Variants in WNK3 observed in about 807,000 individuals in gnomAD.
WNK3 encodes serine/threonine-protein kinase WNK3.
In WNK3, 18 loss-of-function variants were observed where a neutral mutation model predicts 116.7. That is an observed-to-expected ratio of 0.15 (90% CI 0.11 to 0.23). The LOEUF (loss-of-function observed/expected upper bound fraction) is 0.23. WNK3 is among the 10% of genes least tolerant of loss of function. The pLI is 1.00. For synonymous variants in WNK3, 404 were observed against 469.4 expected, an observed-to-expected ratio of 0.86 and a Z score of 1.80; for missense variants, 993 against 1,323.8, an observed-to-expected ratio of 0.75 and a Z score of 3.88.
At chrX:54,302,699 TTCTCTCTCTC>T (rs782673409) in intron 5 of WNK3, among the ~76,000 whole-genome samples, 8 of 23,335 alleles carry the variant, frequency 3.4e-4, no homozygotes, top group South Asian at 4.1e-3. Flanking sequence ...AACATTCCAA[TTCTCTCTCTC>T]TCTCTCTCTC....
intron 2 of WNK3, among the ~76,000 whole-genome samples, chrX:54,330,575 CT>C (rs1387144769): frequency 1.8e-5 from 2 of 110,843 alleles, no homozygotes; most frequent in African/African-American, 6.6e-5. Context: ...ATAAAAGGCC[CT>C]ACATATCCAA....
At chrX:54,332,881 AAAAAAG>A (rs2069187698) in intron 2 of WNK3, among the ~76,000 whole-genome samples, 1 of 109,757 alleles carries the variant, frequency 9.1e-6, no homozygotes, top group African/African-American at 3.3e-5. Context: ...AAAAAAAAAG[AAAAAAG>A]AAAAAGAAAA....
intron 2 of WNK3, among the ~76,000 whole-genome samples, chrX:54,328,153 G>A (rs191328866): frequency 1.1e-4 from 12 of 108,005 alleles, no homozygotes; most frequent in African/African-American, 2.3e-4. Context: ...ATACAATCTC[G>A]CACACACATA....
At chrX:54,228,667 T>C in intron 22 of WNK3, 47 bp downstream of exon 22, 1 of 460,857 alleles carries the variant, frequency 2.2e-6, no homozygotes, top group Non-Finnish European at 3.9e-6. Context: ...AATAAAACTG[T>C]AATTTTTTAA....
chrX:54,350,413 A>AG (rs1167019899), intron 1 of WNK3, among the ~76,000 whole-genome samples: 2 of 110,665 alleles, frequency 1.8e-5, no homozygotes, highest in African/African-American at 6.5e-5. Flanking sequence ...CTGTCTCAAA[A>AG]AAAAAAAAAA....
chrX:54,358,773 G>A (rs181612850), upstream of WNK3: 1 of 113,070 alleles, frequency 8.8e-6, no homozygotes, highest in Admixed American at 9.3e-5. Context: ...CTCGCAGACG[G>A]GTGCGATGTA....
intron 1 of WNK3, among the ~76,000 whole-genome samples, chrX:54,341,409 G>A (rs917742953): frequency 1.0e-4 from 11 of 108,306 alleles, no homozygotes; most frequent in Non-Finnish European, 1.9e-4. Context: ...AAAAAAAAAA[G>A]AATATTACTG....
At chrX:54,253,820 T>C (rs1392673993) in intron 13 of WNK3, 139 bp downstream of exon 13, 2 of 422,979 alleles carry the variant, frequency 4.7e-6, no homozygotes. Flanking sequence ...CACTTGATGA[T>C]AACCCAATTT....
chrX:54,304,954 T>C (rs1032900033), intron 5 of WNK3, among the ~76,000 whole-genome samples: 1 of 110,189 alleles, frequency 9.1e-6, no homozygotes, highest in African/African-American at 3.3e-5. Context: ...CTGGCCAGCA[T>C]AGCAAAACCA....
chrX:54,249,285 A>G (rs1557153496), exon 17 of WNK3: 1 of 1,212,265 alleles, frequency 8.2e-7, no homozygotes, highest in South Asian at 1.8e-5. Flanking sequence ...TTGATTCGCC[A>G]GGATGGGACA....
At chrX:54,238,514 TTTG>T (rs1557150798) in intron 18 of WNK3, 42 bp from the exon 19 acceptor site, 1 of 1,170,282 alleles carries the variant, frequency 8.5e-7, no homozygotes, top group East Asian at 3.0e-5. Context: ...GAGAAAATTG[TTTG>T]TTAAGACTAA....
exon 8 of WNK3, chrX:54,294,806 A>G (rs1557165932): frequency 1.7e-6 from 2 of 1,202,270 alleles, no homozygotes. Flanking sequence ...TGGATTTAGC[A>G]ACAGCTTTGG....
chrX:54,333,357 T>C (rs1557174684), exon 2 of WNK3: 2 of 1,210,086 alleles, frequency 1.7e-6, no homozygotes, highest in Non-Finnish European at 1.1e-6. Flanking sequence ...ACACTGTTCA[T>C]ATTTAACTTC....
At chrX:54,241,888 A>T (rs2146895463) in intron 17 of WNK3, among the ~76,000 whole-genome samples, 1 of 108,093 alleles carries the variant, frequency 9.3e-6, no homozygotes, top group South Asian at 4.2e-4. Flanking sequence ...TGGGAAGTGG[A>T]GGTTGCAGTG....
intron 2 of WNK3, among the ~76,000 whole-genome samples, chrX:54,317,924 G>A (rs951409025): frequency 4.2e-4 from 46 of 110,225 alleles, no homozygotes; most frequent in Non-Finnish European, 7.6e-4. Flanking sequence ...GAGCCACCGC[G>A]CCCAGCCAGG....
At chrX:54,276,573 A>C (rs1557160998) in intron 10 of WNK3, among the ~76,000 whole-genome samples, 2 of 111,198 alleles carry the variant, frequency 1.8e-5, no homozygotes, top group Non-Finnish European at 3.8e-5. Flanking sequence ...ATATGCCATG[A>C]CCAAATGAGT....
chrX:54,251,925 T>A (rs1311853947), intron 13 of WNK3, among the ~76,000 whole-genome samples: 7 of 107,338 alleles, frequency 6.5e-5, no homozygotes, highest in Non-Finnish European at 1.9e-5. Context: ...ATTAACTGGG[T>A]ATGATGGCGG....
chrX:54,202,304 A>G, intron 22 of WNK3, 111 bp from the exon 23 acceptor site: 1 of 668,905 alleles, frequency 1.5e-6, no homozygotes, highest in Non-Finnish European at 2.2e-6. Flanking sequence ...ATGGGGTGCA[A>G]TTAGGGTGAA....
chrX:54,232,335 T>C (rs1557149148), intron 21 of WNK3, among the ~76,000 whole-genome samples: 1 of 109,391 alleles, frequency 9.1e-6, no homozygotes, highest in African/African-American at 3.3e-5. Flanking sequence ...AGAGATGGGG[T>C]TTCGCCATGT....
Sources: gnomAD v4.1 joint callset for allele counts (sites outside exome capture counted in the v4.1 genomes callset) on GRCh38, gnomAD v4.1.1 for gene constraint, MANE v1.5 for transcripts, NCBI Gene and HGNC (gene_info 2026-07-23, HGNC 2026-07-21) for gene names.